SGCZ: variants seen among roughly 807,000 people sequenced by gnomAD.
The protein encoded by SGCZ is zeta-sarcoglycan.
Under a neutral mutation model 41.3 loss-of-function variants are expected in SGCZ, and 40 were observed. The ratio of observed to expected loss-of-function variants is 0.97; its 90% CI spans 0.75 to 1.26. The LOEUF (loss-of-function observed/expected upper bound fraction) is 1.26. SGCZ is among the 50% of genes most tolerant of loss of function. The pLI is 0.00. For synonymous variants in SGCZ, 206 were observed against 137.5 expected, an observed-to-expected ratio of 1.50 and a Z score of -3.49; for missense variants, 552 against 369.8, an observed-to-expected ratio of 1.49 and a Z score of -4.04.
chr8:14,475,284 T>C (rs1326590109), intron 2 of SGCZ, among the ~76,000 whole-genome samples: 5 of 152,194 alleles, frequency 3.3e-5, no homozygotes, highest in African/African-American at 1.2e-4. Flanking sequence ...GTGGTATGTT[T>C]TCCAATTCAT....
chr8:14,612,887 T>A (rs1298324233), intron 1 of SGCZ, among the ~76,000 whole-genome samples: 5 of 152,182 alleles, frequency 3.3e-5, no homozygotes, highest in African/African-American at 1.2e-4. Context: ...GGTTTCACCA[T>A]GTTGCCCAGG....
At chr8:14,301,381 A>AC (rs1563244771) in intron 3 of SGCZ, among the ~76,000 whole-genome samples, 1 of 151,862 alleles carries the variant, frequency 6.6e-6, no homozygotes, top group Non-Finnish European at 1.5e-5. Flanking sequence ...ACAAAAAAAA[A>AC]CAAACAATTG....
Position 14,841,171 on chromosome 8 carries a change from C to T in SGCZ, c.40-286245G>A, listed in dbSNP as rs533529038. Among the ~76,000 whole-genome samples the T allele has an allele frequency of 3.3e-5, 5 of 151,716 alleles. No homozygotes were observed. In the South Asian group the frequency reaches 6.2e-4, roughly 19 times the overall value. ...AAGTTTAAATGCTGCATGTCTGAAACATTAAACCCAAAAGATGTTAAAAAC... is the reference window on the plus strand; with the variant it reads ...AAGTTTAAATGCTGCATGTCTGAAATATTAAACCCAAAAGATGTTAAAAAC... On this transcript the variant is annotated intron_variant, in intron 1 of 7. Transcript: ENST00000382080.
chr8:14,906,578 A>C (rs1799125937), intron 1 of SGCZ, among the ~76,000 whole-genome samples: 1 of 152,346 alleles, frequency 6.6e-6, no homozygotes, highest in East Asian at 1.9e-4. Context: ...TTGGCTTCTA[A>C]GATGTTTGAA....
At chr8:15,169,277 G>A (rs1418019649) in intron 1 of SGCZ, among the ~76,000 whole-genome samples, 1 of 152,182 alleles carries the variant, frequency 6.6e-6, no homozygotes, top group Non-Finnish European at 1.5e-5. Context: ...GACAGCCAGG[G>A]AGGAGGGTGT....
intron 1 of SGCZ, among the ~76,000 whole-genome samples, chr8:14,958,731 A>C (rs1800872109): frequency 6.6e-6 from 1 of 152,178 alleles, no homozygotes; most frequent in Non-Finnish European, 1.5e-5. Flanking sequence ...CAAAAGTATA[A>C]AAACTAAAAA....
intron 1 of SGCZ, among the ~76,000 whole-genome samples, chr8:14,634,442 T>A (rs1286083008): frequency 6.6e-6 from 1 of 151,886 alleles, no homozygotes; most frequent in African/African-American, 2.4e-5. Flanking sequence ...TTTGGCCACT[T>A]AATATGAATT....
intron 2 of SGCZ, among the ~76,000 whole-genome samples, chr8:14,525,110 TGATA>T (rs71209056): frequency 0.65 from 97,634 of 151,192 alleles, 32,093 homozygotes; most frequent in South Asian, 0.76. Flanking sequence ...CATAGACAGA[TGATA>T]GATAGATAGA....
At chr8:14,803,414 G>A (rs995768106) in intron 1 of SGCZ, among the ~76,000 whole-genome samples, 10 of 152,104 alleles carry the variant, frequency 6.6e-5, no homozygotes, top group South Asian at 2.1e-4. Context: ...TGCCTCACTC[G>A]GGAATCGCAA....
At chr8:14,794,352 G>A (rs1226522026) in intron 1 of SGCZ, among the ~76,000 whole-genome samples, 1 of 152,032 alleles carries the variant, frequency 6.6e-6, no homozygotes, top group East Asian at 1.9e-4. Context: ...AGAGAGAGAT[G>A]AGAAAATATA....
chr8:15,174,980 G>C (rs1284788108), intron 1 of SGCZ, among the ~76,000 whole-genome samples: 2 of 152,000 alleles, frequency 1.3e-5, no homozygotes, highest in African/African-American at 4.8e-5. Context: ...AGAGCATTAG[G>C]ACAAACACCT....
chr8:14,941,432 T>A (rs551673829), intron 1 of SGCZ, among the ~76,000 whole-genome samples: 1 of 152,176 alleles, frequency 6.6e-6, no homozygotes, highest in South Asian at 2.1e-4. Flanking sequence ...TTTAAAAGTG[T>A]TTTTAAAACA....
rs916932170 is a variant in SGCZ at position 14,289,968 on chromosome 8, C to T, written c.336+34135G>A. On this transcript the variant is annotated intron_variant, in intron 3 of 7. Transcript: ENST00000382080. ...ATAAGGCAGGAGAGTGAGTGAGTGGCGAACCACCAGACAGTTTTAAACAGC... is the reference window on the plus strand; with the variant it reads ...ATAAGGCAGGAGAGTGAGTGAGTGGTGAACCACCAGACAGTTTTAAACAGC... Among the ~76,000 whole-genome samples, 66 of 151,844 alleles carry T rather than the reference C, an allele frequency of 4.3e-4. 1 individual carries two copies. Among genetic ancestry groups the T allele is most frequent in the African/African-American group, 1.5e-3 (62 of 41,444 alleles).
chr8:14,334,317 T>C (rs1171036684), intron 2 of SGCZ, among the ~76,000 whole-genome samples: 3 of 152,104 alleles, frequency 2.0e-5, no homozygotes, highest in Admixed American at 1.3e-4. Context: ...TCAGCAGATA[T>C]TGAGCCTATG....
At chr8:14,198,116 T>C (rs971631315) in intron 4 of SGCZ, among the ~76,000 whole-genome samples, 4 of 152,326 alleles carry the variant, frequency 2.6e-5, no homozygotes, top group Non-Finnish European at 2.9e-5. Context: ...AAACAATTCA[T>C]AAGTTTTAAA....
chr8:14,262,535 T>C (rs1425549029), intron 3 of SGCZ, among the ~76,000 whole-genome samples: 1 of 151,988 alleles, frequency 6.6e-6, no homozygotes, highest in African/African-American at 2.4e-5. Flanking sequence ...ATTAGAGCAA[T>C]TCAGTTCTGC....
chr8:14,284,387 A>C (rs1403193099), intron 3 of SGCZ, among the ~76,000 whole-genome samples: 1 of 152,228 alleles, frequency 6.6e-6, no homozygotes, highest in African/African-American at 2.4e-5. Flanking sequence ...GCAAGACATT[A>C]TCTCACACAA....
At chr8:14,520,454 T>G (rs1326268561) in intron 2 of SGCZ, among the ~76,000 whole-genome samples, 1 of 152,272 alleles carries the variant, frequency 6.6e-6, no homozygotes, top group Non-Finnish European at 1.5e-5. Flanking sequence ...AAGAAACCAA[T>G]GCTTTAGCAT....
intron 1 of SGCZ, among the ~76,000 whole-genome samples, chr8:14,908,582 T>C (rs1309020369): frequency 6.6e-6 from 1 of 151,954 alleles, no homozygotes; most frequent in Non-Finnish European, 1.5e-5. Flanking sequence ...AAACCCCATT[T>C]CTACTAAATA....
Sources: allele counts gnomAD v4.1 joint callset (sites outside exome capture counted in the v4.1 genomes callset), GRCh38; gene constraint gnomAD v4.1.1; transcripts MANE v1.5; gene names NCBI Gene and HGNC (gene_info 2026-07-23, HGNC 2026-07-21).